Variants in ETV6 observed in about 807,000 individuals in gnomAD.
ETV6 encodes ETS variant transcription factor 6.
Under a neutral mutation model 51.1 loss-of-function variants are expected in ETV6, and 16 were observed. The observed-to-expected ratio is 0.31, with a 90% confidence interval of 0.21 to 0.48. ETV6 has a LOEUF of 0.48. ETV6 is among the 20% of genes least tolerant of loss of function. The pLI is 0.99. For missense variants in ETV6, 458 were observed against 594.8 expected (o/e 0.77, Z 2.39); for synonymous variants, 240 against 224.1 (o/e 1.07, Z -0.64).
chr12:11,801,523 G>C (rs1056052846), intron 2 of ETV6, among the ~76,000 whole-genome samples: 1 of 152,128 alleles, frequency 6.6e-6, no homozygotes, highest in African/African-American at 2.4e-5. Context: ...GCCCTCCAAG[G>C]GCATACCTGA....
rs867333130 is a variant in ETV6, at chr12:11,892,923, C to G, written c.*1877C>G. 4.3e-6 allele frequency: 1 copy of G among 233,122 alleles called. No individual in the cohort carries two copies. Among genetic ancestry groups the G allele is most frequent in the Non-Finnish European group, 8.5e-6 (1 of 117,952 alleles). The allele number at this position is 233,122 out of a possible 1,614,324, so 14.4% of individuals were successfully genotyped here. ...CTCTTCAGCCTTGCTCTGTCCCTGC[C>G]TCTTATCAGAGCACAGGTAGACACA... On this transcript the variant is annotated 3_prime_UTR_variant, in exon 8 of 8. Transcript: ENST00000396373.
intron 1 of ETV6, among the ~76,000 whole-genome samples, chr12:11,656,350 G>T (rs908447705): frequency 6.6e-6 from 1 of 152,164 alleles, no homozygotes; most frequent in African/African-American, 2.4e-5. Flanking sequence ...AGCCATTTTT[G>T]CGAAGAAAAT....
At chr12:11,833,790 G>A (rs1192484428) in intron 2 of ETV6, among the ~76,000 whole-genome samples, 1 of 152,152 alleles carries the variant, frequency 6.6e-6, no homozygotes, top group Non-Finnish European at 1.5e-5. Flanking sequence ...GCTGTTATTA[G>A]GCTACACAAA....
intron 2 of ETV6, among the ~76,000 whole-genome samples, chr12:11,820,494 G>C (rs1277094570): frequency 6.6e-6 from 1 of 152,218 alleles, no homozygotes; most frequent in Non-Finnish European, 1.5e-5. Flanking sequence ...GGGGGAGTCT[G>C]AGAACAGATA....
At chr12:11,666,773 C>T (rs1203713391) in intron 1 of ETV6, among the ~76,000 whole-genome samples, 1 of 152,240 alleles carries the variant, frequency 6.6e-6, no homozygotes, top group Non-Finnish European at 1.5e-5. Flanking sequence ...TTCCCCGAAA[C>T]CGTCACAAGT....
chr12:11,659,220 A>G (rs943091582), intron 1 of ETV6, among the ~76,000 whole-genome samples: 2 of 151,856 alleles, frequency 1.3e-5, no homozygotes, highest in African/African-American at 4.9e-5. Context: ...ATGTGAGGGG[A>G]CCGAAGTGTC....
chr12:11,650,512 A>AAAAAC, intron 1 of ETV6, among the ~76,000 whole-genome samples: 1 of 150,462 alleles, frequency 6.6e-6, no homozygotes, highest in African/African-American at 2.5e-5. Flanking sequence ...ACAAAAAAAA[A>AAAAAC]AAACCTGCTC....
intron 1 of ETV6, among the ~76,000 whole-genome samples, chr12:11,652,833 TGTG>T (rs1310250975): frequency 6.6e-6 from 1 of 152,230 alleles, no homozygotes; most frequent in Non-Finnish European, 1.5e-5. Flanking sequence ...AGATGGCTCA[TGTG>T]GTGGTCGCTC....
chr12:11,807,938 A>G (rs2213177), intron 2 of ETV6, among the ~76,000 whole-genome samples: 25,869 of 152,188 alleles, frequency 0.17, 2,313 homozygotes, highest in East Asian at 0.26. Context: ...ATAGTCTTCT[A>G]AAGTAGTAGG....
intron 2 of ETV6, 134 bp from the exon 3 acceptor site, chr12:11,839,006 A>G: frequency 1.1e-6 from 1 of 932,818 alleles, no homozygotes; most frequent in Non-Finnish European, 1.5e-6. Context: ...GAGGGGACTC[A>G]GAGTTGAACA....
At chr12:11,789,492 G>A (rs1287965982) in intron 2 of ETV6, among the ~76,000 whole-genome samples, 1 of 152,096 alleles carries the variant, frequency 6.6e-6, no homozygotes, top group Non-Finnish European at 1.5e-5. Flanking sequence ...GCCCAGCTAT[G>A]ACCTTTGTTC....
intron 2 of ETV6, among the ~76,000 whole-genome samples, chr12:11,770,901 T>TA (rs3837435): frequency 0.14 from 20,749 of 146,740 alleles, 1,900 homozygotes; most frequent in East Asian, 0.36. Flanking sequence ...CCCCATCTCT[T>TA]AAAAAAAAAA....
chr12:11,809,864 G>A (rs761291192), intron 2 of ETV6, among the ~76,000 whole-genome samples: 15 of 131,844 alleles, frequency 1.1e-4, no homozygotes, highest in Non-Finnish European at 2.3e-4. Flanking sequence ...GTGTCACCCA[G>A]GCTGGAGTGC....
At chr12:11,715,030 G>A (rs976085215) in intron 1 of ETV6, among the ~76,000 whole-genome samples, 1 of 152,082 alleles carries the variant, frequency 6.6e-6, no homozygotes, top group Non-Finnish European at 1.5e-5. Context: ...CGTGGCAGGG[G>A]CAATAGGATG....
intron 1 of ETV6, among the ~76,000 whole-genome samples, chr12:11,724,053 T>C (rs1436877874): frequency 6.6e-6 from 1 of 151,782 alleles, no homozygotes; most frequent in African/African-American, 2.4e-5. Flanking sequence ...GAGGGTGCTG[T>C]GTGTCAGCTC....
chr12:11,810,805 G>A (rs1294647519), intron 2 of ETV6, among the ~76,000 whole-genome samples: 2 of 152,060 alleles, frequency 1.3e-5, no homozygotes, highest in Non-Finnish European at 2.9e-5. Flanking sequence ...TAGGACTTGG[G>A]GTTAGATGGA....
intron 1 of ETV6, among the ~76,000 whole-genome samples, chr12:11,744,469 G>C (rs567697326): frequency 2.0e-5 from 3 of 152,196 alleles, no homozygotes; most frequent in Non-Finnish European, 4.4e-5. Context: ...GGCATTGCTG[G>C]ATAAATTCAA....
intron 1 of ETV6, among the ~76,000 whole-genome samples, chr12:11,657,529 G>A (rs758438368): frequency 1.3e-5 from 2 of 152,236 alleles, no homozygotes; most frequent in South Asian, 4.1e-4. Context: ...ATAATGTTAA[G>A]TTTTAAAAGG....
At chr12:11,831,361 G>A (rs977812934) in intron 2 of ETV6, among the ~76,000 whole-genome samples, 9 of 152,178 alleles carry the variant, frequency 5.9e-5, no homozygotes, top group African/African-American at 2.2e-4. Flanking sequence ...AAGTAGCTGG[G>A]ATTACAGGCG....
Sources: gnomAD v4.1 joint callset for allele counts (sites outside exome capture counted in the v4.1 genomes callset) on GRCh38, gnomAD v4.1.1 for gene constraint, MANE v1.5 for transcripts, NCBI Gene and HGNC (gene_info 2026-07-23, HGNC 2026-07-21) for gene names.